Variants in LRP1B observed in about 807,000 individuals in gnomAD.
LRP1B encodes the protein LDL receptor related protein 1B, also known as low-density lipoprotein receptor-related protein 1B.
A neutral mutation model predicts 556.6 loss-of-function variants in LRP1B; 217 were observed. The observed-to-expected ratio is 0.39, with a 90% CI of 0.35 to 0.44. The LOEUF is 0.44. LRP1B is among the 20% of genes least tolerant of loss of function. LRP1B has a pLI of 1.00. For missense variants in LRP1B, 5,053 were observed against 5,620.8 expected (o/e 0.90, Z 3.23); for synonymous variants, 2,047 against 1,865.8 (o/e 1.10, Z -2.50).
chr2:141,001,802 A>C (rs971323115), intron 15 of LRP1B, among the ~76,000 whole-genome samples: 2 of 152,132 alleles, frequency 1.3e-5, no homozygotes, highest in Non-Finnish European at 2.9e-5. Context: ...ACGCATATGC[A>C]TGTGCATGTA....
intron 2 of LRP1B, among the ~76,000 whole-genome samples, chr2:141,597,393 T>C (rs1311054024): frequency 6.6e-6 from 1 of 152,054 alleles, no homozygotes; most frequent in Non-Finnish European, 1.5e-5. Context: ...AGGCATTGTC[T>C]TCATAAGACC....
intron 1 of LRP1B, among the ~76,000 whole-genome samples, chr2:141,975,065 C>T (rs184306140): frequency 8.6e-4 from 131 of 152,010 alleles, no homozygotes; most frequent in Admixed American, 2.6e-3. Flanking sequence ...GCATCATGTG[C>T]TCTGCAATGC....
intron 51 of LRP1B, 82 bp downstream of exon 51, chr2:140,514,571 A>G (rs1216075008): frequency 7.6e-7 from 1 of 1,313,248 alleles, no homozygotes; most frequent in Non-Finnish European, 1.0e-6. Context: ...TTAATAAATT[A>G]GCAAATTTTG....
chr2:140,330,474 AG>A (rs145756940), intron 79 of LRP1B, among the ~76,000 whole-genome samples: 11,544 of 152,112 alleles, frequency 0.076, 486 homozygotes, highest in Middle Eastern at 0.13. Flanking sequence ...CAATGGGGAA[AG>A]GAGTTTGTAT....
At chr2:142,116,161 C>G (rs1707265679) in intron 1 of LRP1B, among the ~76,000 whole-genome samples, 1 of 134,210 alleles carries the variant, frequency 7.5e-6, no homozygotes, top group Non-Finnish European at 1.5e-5. Context: ...ACACTGAACT[C>G]CAGCCTGGGT....
chr2:140,514,491 GAAT>G (rs1689800077), intron 51 of LRP1B, among the ~76,000 whole-genome samples, 159 bp downstream of exon 51: 1 of 151,746 alleles, frequency 6.6e-6, no homozygotes, highest in Non-Finnish European at 1.5e-5. Context: ...AAAAATATTA[GAAT>G]AATGGATTGT....
At chr2:140,749,995 C>G (rs1232135180) in intron 35 of LRP1B, among the ~76,000 whole-genome samples, 3 of 152,012 alleles carry the variant, frequency 2.0e-5, no homozygotes, top group African/African-American at 7.2e-5. Context: ...TCGTTATAAT[C>G]TTATGGGACC....
intron 41 of LRP1B, among the ~76,000 whole-genome samples, chr2:140,681,998 C>G (rs1685876170): frequency 6.6e-6 from 1 of 152,134 alleles, no homozygotes. Flanking sequence ...ATTCTGAAGT[C>G]TCTTCTATTT....
chr2:141,604,258 G>A (rs1471218374), intron 2 of LRP1B, among the ~76,000 whole-genome samples: 4 of 152,144 alleles, frequency 2.6e-5, no homozygotes, highest in African/African-American at 9.7e-5. Context: ...AGATAAGACA[G>A]ATAATCTAAT....
At position 140,891,136 on chromosome 2, in the gene LRP1B, AG is replaced by A. The variant is rs542938772; in HGVS notation, c.3767-4802del. 8.5e-5 allele frequency among the ~76,000 whole-genome samples: 13 copies of A among 152,278 alleles called. No individual in the cohort carries two copies. In the South Asian group the frequency reaches 2.7e-3, roughly 32 times the overall value. On this transcript the variant is annotated intron_variant, in intron 23 of 90. Coordinates refer to ENST00000389484, the MANE Select transcript of LRP1B (RefSeq NM_018557.3). The stretch of plus-strand genomic sequence containing the variant: ...AAGAGATGAGATATGTACAAAATAA[AG>A]GAGGTCACAATTTATACTTTTTGTA...
chr2:141,595,456 T>C (rs753783711), intron 2 of LRP1B, among the ~76,000 whole-genome samples: 2 of 151,696 alleles, frequency 1.3e-5, no homozygotes, highest in Admixed American at 6.6e-5. Context: ...TTGTAAACAG[T>C]GAGACAACAC....
intron 2 of LRP1B, among the ~76,000 whole-genome samples, chr2:141,690,396 A>AATAAATACAT (rs5834858): frequency 3.7e-5 from 1 of 26,936 alleles, no homozygotes; most frequent in Admixed American, 4.7e-4. Flanking sequence ...TACATCTATA[A>AATAAATACAT]ATATATATAT....
chr2:141,716,292 T>C (rs1692582784), intron 2 of LRP1B, among the ~76,000 whole-genome samples: 1 of 152,210 alleles, frequency 6.6e-6, no homozygotes, highest in Admixed American at 6.5e-5. Flanking sequence ...AGCAGCAAAA[T>C]TGTAGTGCTC....
chr2:141,806,324 A>G (rs1696166671), intron 2 of LRP1B, among the ~76,000 whole-genome samples: 1 of 152,050 alleles, frequency 6.6e-6, no homozygotes, highest in Non-Finnish European at 1.5e-5. Context: ...GTTGAAAGCT[A>G]TGAGTAGAAA....
chr2:140,297,837 G>T lies in LRP1B; in HGVS notation c.12938C>A (p.Pro4313Gln), dbSNP rs759893587. ...CTGACATCTGTCTCCGGTGTATTCC[G>T]GCTGGCAGTGGCAGTAAGGCTGGTT... is the stretch of plus-strand genomic sequence containing the variant. ...AGNQPYCHCQ[P>Q]EYTGDRCQYY... The change falls in exon 84 of 91, where the codon CCG becomes CAG. Residue 4313 changes from proline (P) to glutamine (Q), a missense_variant. By Grantham distance (76) the Pro-to-Gln change is moderately conservative (BLOSUM62 -1). This residue lies in a region of LRP1B where 551 missense variants were observed against 592.0 expected (regional missense o/e 0.93). Transcript: ENST00000389484. 6.2e-7 allele frequency: 1 copy of T among 1,613,628 alleles called. No individual in the cohort carries two copies. The highest frequency in any genetic ancestry group is 8.5e-7 in the Non-Finnish European group (1 of 1,179,850).
intron 11 of LRP1B, among the ~76,000 whole-genome samples, chr2:141,045,394 C>T (rs1698838933): frequency 6.6e-6 from 1 of 151,098 alleles, no homozygotes; most frequent in South Asian, 2.1e-4. Flanking sequence ...ACAATGTGCA[C>T]ATGTACCCTA....
chr2:140,405,252 A>G (rs1303824869), intron 66 of LRP1B, among the ~76,000 whole-genome samples: 2 of 152,220 alleles, frequency 1.3e-5, no homozygotes, highest in Non-Finnish European at 1.5e-5. Context: ...AAATGTGTAC[A>G]TCGGAAAGTC....
intron 18 of LRP1B, among the ~76,000 whole-genome samples, chr2:140,970,980 A>C (rs539476145): frequency 6.6e-6 from 1 of 151,928 alleles, no homozygotes; most frequent in African/African-American, 2.4e-5. Flanking sequence ...GGCTCAAGGG[A>C]TCTGCCAGCT....
At position 140,315,019 on chromosome 2, in the gene LRP1B, G is replaced by A. The variant is rs1438180795; in HGVS notation, c.12721C>T (p.Pro4241Ser). The change falls in exon 83 of 91, where the codon CCC becomes TCC. Residue 4241 changes from proline (P) to serine (S), a missense_variant. Transcript: ENST00000389484. ...TCACATCTTTCTCCTGAATAACTGG[G>A]CCAACAGTGACACCTCAAATCACCT... Reference protein sequence around the residue: ...EKGDLRCHCWPSYSGERCEVN... With the variant: ...EKGDLRCHCWSSYSGERCEVN... 6.2e-7 allele frequency: 1 copy of A among 1,611,236 alleles called. No homozygotes were observed. Among genetic ancestry groups the A allele is most frequent in the South Asian group, 1.1e-5 (1 of 90,764 alleles).
Sources: gnomAD v4.1 joint callset for allele counts (sites outside exome capture counted in the v4.1 genomes callset) on GRCh38, gnomAD v4.1.1 for gene constraint, gnomAD v4.1.1 regional missense constraint, MANE v1.5 for transcripts, NCBI Gene and HGNC (gene_info 2026-07-23, HGNC 2026-07-21) for gene names.